Variants in RAP2A observed in about 807,000 individuals in gnomAD.
RAP2A encodes RAP2A, member of RAS oncogene family, also known as ras-related protein Rap-2a.
In RAP2A, 5 loss-of-function variants were observed where a neutral mutation model predicts 15.1. The observed-to-expected ratio is 0.33, with a 90% CI of 0.17 to 0.70. The LOEUF is 0.70. Ranked by LOEUF, RAP2A falls within the 30% of genes least tolerant of loss-of-function variation. The pLI is 0.68. For missense variants in RAP2A, 111 were observed against 240.3 expected (o/e 0.46, Z 3.56); for synonymous variants, 110 against 99.7 (o/e 1.10, Z -0.62).
chr13:97,456,106 G>A (rs1566474563), intron 1 of RAP2A, among the ~76,000 whole-genome samples: 1 of 144,556 alleles, frequency 6.9e-6, no homozygotes. Context: ...ACTTACTCTA[G>A]GTGAACTGTG....
rs544387062 is a variant in RAP2A, at chr13:97,464,858, AT to A, written c.*420del. On this transcript the variant is annotated 3_prime_UTR_variant, in exon 2 of 2. Coordinates refer to ENST00000245304, the MANE Select transcript of RAP2A (RefSeq NM_021033.7). ...TTAAAAAAATAAGTAAAGGAGAAAT[AT>A]TTTCCTACAAGAGTACTGAATTTCA... The A allele has an allele frequency of 3.5e-3, 575 of 162,336 alleles. No individual in the cohort carries two copies. Among genetic ancestry groups the A allele is most frequent in the South Asian group, 0.013 (73 of 5,482 alleles). 10.1% of individuals were successfully genotyped at this position (162,336 alleles called of 1,614,324 possible).
chr13:97,449,170 CT>C (rs1001747903), intron 1 of RAP2A, among the ~76,000 whole-genome samples: 1 of 152,150 alleles, frequency 6.6e-6, no homozygotes, highest in African/African-American at 2.4e-5. Flanking sequence ...TGGAAACCTC[CT>C]TGTCTGCTTA....
chr13:97,450,398 T>A (rs1419117718), intron 1 of RAP2A, among the ~76,000 whole-genome samples: 2 of 152,150 alleles, frequency 1.3e-5, no homozygotes, highest in East Asian at 3.8e-4. Context: ...AGATTTCAGT[T>A]CTCAAAAAGA....
intron 1 of RAP2A, among the ~76,000 whole-genome samples, chr13:97,463,295 A>G (rs958918736): frequency 5.3e-5 from 8 of 152,250 alleles, no homozygotes; most frequent in Non-Finnish European, 7.3e-5. Context: ...ACCATTGTAG[A>G]GACAATCATC....
At position 97,451,298 on chromosome 13, in the gene RAP2A, C is replaced by T. The variant is rs1274777599; in HGVS notation, c.315-12907C>T. Reference sequence around the variant, plus strand: ...GTAAAGTGCACAAATTGTAGGTTTACAGCTGGGATGTGTACACCTGTAACC... The same window carrying T: ...GTAAAGTGCACAAATTGTAGGTTTATAGCTGGGATGTGTACACCTGTAACC... On this transcript the variant is annotated intron_variant, in intron 1 of 1. Transcript: ENST00000245304. Among the ~76,000 whole-genome samples the T allele has an allele frequency of 4.6e-5, 7 of 152,128 alleles. No homozygotes were observed. The South Asian group carries it at 1.2e-3, about 27-fold the overall frequency.
intron 1 of RAP2A, among the ~76,000 whole-genome samples, chr13:97,440,665 T>C (rs966059285): frequency 6.6e-6 from 1 of 152,096 alleles, no homozygotes; most frequent in African/African-American, 2.4e-5. Flanking sequence ...TGAGGTATGA[T>C]TGATGTACAA....
Position 97,461,991 on chromosome 13 carries a change from T to C in RAP2A, c.315-2214T>C, listed in dbSNP as rs979463761. Among the ~76,000 whole-genome samples the C allele has an allele frequency of 5.3e-4, 77 of 145,104 alleles. 1 individual carries two copies. Among genetic ancestry groups the C allele is most frequent in the African/African-American group, 1.9e-3 (75 of 39,846 alleles). On this transcript the variant is annotated intron_variant, in intron 1 of 1. Coordinates refer to ENST00000245304, the MANE Select transcript of RAP2A (RefSeq NM_021033.7). ...AAAAAAATATATATATATATATATT[T>C]ATATATTTATATTTATATATTTATA...
chr13:97,466,383 T>C lies in RAP2A; in HGVS notation c.*1941T>C, dbSNP rs2066771759. On this transcript the variant is annotated 3_prime_UTR_variant, in exon 2 of 2. Transcript: ENST00000245304. ...ACCTTGTTTATAGGACAAAAAAATT[T>C]AACCAATTTTATTGAAACGAATTTC... 1 of 152,202 alleles carries C rather than the reference T, an allele frequency of 6.6e-6. No individual in the cohort carries two copies. Among genetic ancestry groups the C allele is most frequent in the Non-Finnish European group, 1.5e-5 (1 of 68,028 alleles). The allele number at this position is 152,202 out of a possible 1,614,324, so 9.4% of individuals were successfully genotyped here.
chr13:97,438,425 A>G (rs1333597484), intron 1 of RAP2A, among the ~76,000 whole-genome samples: 1 of 152,156 alleles, frequency 6.6e-6, no homozygotes, highest in Non-Finnish European at 1.5e-5. Context: ...ACCTTTTTGC[A>G]GAGTTAATTC....
At chr13:97,453,945 C>T (rs2066712445) in intron 1 of RAP2A, among the ~76,000 whole-genome samples, 1 of 151,268 alleles carries the variant, frequency 6.6e-6, no homozygotes, top group Non-Finnish European at 1.5e-5. Flanking sequence ...TCTACATCCT[C>T]TTCAGTGAAA....
At chr13:97,437,771 A>C (rs1027513665) in intron 1 of RAP2A, 9 of 152,254 alleles carry the variant, frequency 5.9e-5, no homozygotes, top group African/African-American at 2.2e-4. Flanking sequence ...CATGAGAATG[A>C]ACATTTAACT....
chr13:97,435,495 A>C (rs1269167814), intron 1 of RAP2A, among the ~76,000 whole-genome samples: 1 of 144,312 alleles, frequency 6.9e-6, no homozygotes, highest in Non-Finnish European at 1.5e-5. Flanking sequence ...AAACACCACC[A>C]CACCACCACC....
At chr13:97,434,861 C>T (rs2066626022) in intron 1 of RAP2A, 77 bp downstream of exon 1, 3 of 1,566,930 alleles carry the variant, frequency 1.9e-6, no homozygotes, top group South Asian at 1.2e-5. Flanking sequence ...CCGCGCGGGG[C>T]TCCGGGGAAG....
Position 97,448,798 on chromosome 13 carries a change from A to C in RAP2A, c.314+14014A>C, listed in dbSNP as rs79809248. 9.9e-3 allele frequency among the ~76,000 whole-genome samples: 1,510 copies of C among 152,252 alleles called. 30 individuals are homozygous for C. The highest frequency in any genetic ancestry group is 0.034 in the African/African-American group (1,407 of 41,552). Reference sequence around the variant, plus strand: ...GAGAATGTGGGTTTTGATCAATAGGAGTTTTATTACTTGGTGCTAGGAAGT... The same window carrying C: ...GAGAATGTGGGTTTTGATCAATAGGCGTTTTATTACTTGGTGCTAGGAAGT... On this transcript the variant is annotated intron_variant, in intron 1 of 1. Transcript: ENST00000245304.
At chr13:97,456,409 CT>C (rs1387629723) in intron 1 of RAP2A, among the ~76,000 whole-genome samples, 1 of 151,868 alleles carries the variant, frequency 6.6e-6, no homozygotes, top group Non-Finnish European at 1.5e-5. Flanking sequence ...GTGTTTTGTC[CT>C]GAGTTTTTAT....
chr13:97,453,606 G>T (rs541406073), intron 1 of RAP2A, among the ~76,000 whole-genome samples: 1 of 151,214 alleles, frequency 6.6e-6, no homozygotes, highest in African/African-American at 2.4e-5. Context: ...ATTTACTGCC[G>T]TTTGTTTACC....
intron 1 of RAP2A, among the ~76,000 whole-genome samples, chr13:97,449,086 A>C (rs1037707966): frequency 6.6e-6 from 1 of 152,190 alleles, no homozygotes; most frequent in Middle Eastern, 3.4e-3. Flanking sequence ...AAGTGACCGC[A>C]TTCCACACAG....
chr13:97,461,616 A>G (rs988272892), intron 1 of RAP2A, among the ~76,000 whole-genome samples: 4 of 152,322 alleles, frequency 2.6e-5, no homozygotes, highest in Non-Finnish European at 5.9e-5. Flanking sequence ...GAAAATCCAC[A>G]TATTCTAGTA....
At position 97,464,563 on chromosome 13, in the gene RAP2A, T is replaced by A; in HGVS notation, c.*121T>A. ...TTAATCTACAGAGAACTGCAGCCCT[T>A]ATTCAGAATTGAGCAGTGATTGTCA... On this transcript the variant is annotated 3_prime_UTR_variant, in exon 2 of 2. Transcript: ENST00000245304. The A allele has an allele frequency of 1.1e-6, 1 of 904,592 alleles. No homozygotes were observed. The highest frequency in any genetic ancestry group is 1.7e-6 in the Non-Finnish European group (1 of 575,996). 56.0% of individuals were successfully genotyped at this position (904,592 alleles called of 1,614,324 possible).
Sources: allele counts gnomAD v4.1 joint callset (sites outside exome capture counted in the v4.1 genomes callset), GRCh38; gene constraint gnomAD v4.1.1; transcripts MANE v1.5; gene names NCBI Gene and HGNC (gene_info 2026-07-23, HGNC 2026-07-21).